CELSR1: variants seen among roughly 807,000 people sequenced by gnomAD.
CELSR1 encodes the protein cadherin EGF LAG seven-pass G-type receptor 1.
A neutral mutation model predicts 249.1 loss-of-function variants in CELSR1; 110 were observed. That is an observed-to-expected ratio of 0.44 (90% CI 0.38 to 0.52). The LOEUF (loss-of-function observed/expected upper bound fraction) is 0.52, where lower values mean the gene tolerates loss of function less well. CELSR1 is among the 20% of genes least tolerant of loss of function. The probability of loss-of-function intolerance (pLI) is 0.00; values close to 1 mark genes in which losing one functional copy is unlikely to be tolerated. For synonymous variants in CELSR1, 2,113 were observed against 1,900.0 expected (o/e 1.11, Z -2.92); for missense variants, 4,109 against 4,296.4 (o/e 0.96, Z 1.22).
intron 1 of CELSR1, among the ~76,000 whole-genome samples, chr22:46,482,732 T>C (rs2080278509): frequency 6.6e-6 from 1 of 151,992 alleles, no homozygotes; most frequent in African/African-American, 2.4e-5. Flanking sequence ...AAGAAAATTA[T>C]CTACAGGGTC....
In CELSR1 at chr22:46,518,364, G is replaced by C. The variant is rs896177941; in HGVS notation, c.3544+15263C>G. ...TGCCACACTCAGTCTCGTTAGAGGAGAACGAAGGGAGTGGGCTCCCACAGA... is the reference window on the plus strand; with the variant it reads ...TGCCACACTCAGTCTCGTTAGAGGACAACGAAGGGAGTGGGCTCCCACAGA... On this transcript the variant is annotated intron_variant, in intron 1 of 34. Coordinates refer to ENST00000674500, the MANE Select transcript of CELSR1 (RefSeq NM_001378328.1). This position sits in a 1 kb window ranked among gnomAD's most constrained non-coding sequence, Gnocchi z 5.2. 2.6e-5 allele frequency among the ~76,000 whole-genome samples: 4 copies of C among 152,236 alleles called. No homozygotes were observed. Among genetic ancestry groups the C allele is most frequent in the Non-Finnish European group, 5.9e-5 (4 of 68,040 alleles).
rs555510928 is a variant in CELSR1, at chr22:46,534,953, C to T, written c.2218G>A (p.Gly740Arg). 2 of 1,612,474 alleles carry T rather than the reference C, an allele frequency of 1.2e-6. No individual in the cohort carries two copies. Among genetic ancestry groups the T allele is most frequent in the African/African-American group, 2.7e-5 (2 of 75,034 alleles). The change falls in exon 1 of 35, where the codon GGG (glycine) becomes AGG (arginine). Residue 740 changes from glycine (G) to arginine (R), a missense_variant. Transcript: ENST00000674500. This position sits in a 1 kb window ranked among gnomAD's most constrained non-coding sequence, Gnocchi z 9.7. ...RNRFALSSQR[G>R]GGLITLALPL... ...AGCGCCAGGGTGATGAGGCCGCCCCCTCTCTGGCTGCTGAGTGCAAAGCGG... is the reference window on the plus strand; with the variant it reads ...AGCGCCAGGGTGATGAGGCCGCCCCTTCTCTGGCTGCTGAGTGCAAAGCGG...
Position 46,518,773 on chromosome 22 carries a change from C to A in CELSR1, c.3544+14854G>T, listed in dbSNP as rs924963605. Among the ~76,000 whole-genome samples the A allele has an allele frequency of 2.0e-5, 3 of 152,164 alleles. No homozygotes were observed. The highest frequency in any genetic ancestry group is 7.2e-5 in the African/African-American group (3 of 41,440). On this transcript the variant is annotated intron_variant, in intron 1 of 34. Transcript: ENST00000674500. This position sits in a 1 kb window ranked among gnomAD's most constrained non-coding sequence, Gnocchi z 5.2. Reference sequence around the variant, plus strand: ...AGTTGTGGCTGGGCGCGGTGGCTCGCCTGTAATCCAGCACTTTGGGAGGCC... The same window carrying A: ...AGTTGTGGCTGGGCGCGGTGGCTCGACTGTAATCCAGCACTTTGGGAGGCC...
intron 3 of CELSR1, among the ~76,000 whole-genome samples, chr22:46,438,054 G>A (rs1422681012): frequency 2.0e-5 from 3 of 152,104 alleles, no homozygotes; most frequent in East Asian, 1.9e-4. Context: ...AGTCCTGCAC[G>A]GCCCCCCTGG....
chr22:46,513,200 G>C (rs921561904), intron 1 of CELSR1, among the ~76,000 whole-genome samples: 1 of 152,168 alleles, frequency 6.6e-6, no homozygotes, highest in Non-Finnish European at 1.5e-5. Context: ...CAGTGAGCCA[G>C]AACACATGAA....
chr22:46,431,176 A>G (rs1003965087), intron 5 of CELSR1, among the ~76,000 whole-genome samples: 5 of 152,198 alleles, frequency 3.3e-5, no homozygotes, highest in African/African-American at 1.2e-4. Flanking sequence ...CCTCCGGGAC[A>G]GTGCAGGTGG....
rs765666605 is a variant in CELSR1 at position 46,518,892 on chromosome 22, A to G, written c.3544+14735T>C. 2.6e-5 allele frequency among the ~76,000 whole-genome samples: 4 copies of G among 152,136 alleles called. No homozygotes were observed. Among genetic ancestry groups the G allele is most frequent in the Middle Eastern group, 3.4e-3 (1 of 294 alleles). ...TACTAAAAATACAAAAATTAGCTGGACGTGGTGGCGCATGCCTGTAATCCC... is the reference window on the plus strand; with the variant it reads ...TACTAAAAATACAAAAATTAGCTGGGCGTGGTGGCGCATGCCTGTAATCCC... On this transcript the variant is annotated intron_variant, in intron 1 of 34. Transcript: ENST00000674500. This position sits in a 1 kb window ranked among gnomAD's most constrained non-coding sequence, Gnocchi z 5.2.
In CELSR1 at chr22:46,471,885, CTGCGGTCTGTGGCCTT is replaced by C. The variant is rs2080159046; in HGVS notation, c.3545-7556_3545-7541del. Among the ~76,000 whole-genome samples, 1 of 152,180 alleles carries C rather than the reference CTGCGGTCTGTGGCCTT, an allele frequency of 6.6e-6. No homozygotes were observed. The highest frequency in any genetic ancestry group is 1.5e-5 in the Non-Finnish European group (1 of 68,036). Reference sequence around the variant, plus strand: ...CTGGGACCTGTACAGTTTTCAGGGGCTGCGGTCTGTGGCCTTCAGGTGATGACGACTTTCTGCCTCA... The same window carrying C: ...CTGGGACCTGTACAGTTTTCAGGGGCCAGGTGATGACGACTTTCTGCCTCA... On this transcript the variant is annotated intron_variant, in intron 1 of 34. Transcript: ENST00000674500. This position sits in a 1 kb window ranked among gnomAD's most constrained non-coding sequence, Gnocchi z 4.9.
intron 5 of CELSR1, among the ~76,000 whole-genome samples, chr22:46,416,387 A>C (rs1029996816): frequency 6.6e-6 from 1 of 152,020 alleles, no homozygotes; most frequent in Non-Finnish European, 1.5e-5. Flanking sequence ...ACCCCCCCCA[A>C]CCCCTGCACC....
At chr22:46,519,589 T>TGAATGCCCAGCTGAATGCCCA (rs1366524764) in intron 1 of CELSR1, among the ~76,000 whole-genome samples, 7 of 152,226 alleles carry the variant, frequency 4.6e-5, no homozygotes, top group African/African-American at 1.7e-4. Flanking sequence ...AATGCCCAGC[T>TGAATGCCCAGCTGAATGCCCA]GGTCTCCCTT....
In CELSR1 at chr22:46,380,650, C is replaced by A. The variant is rs562880318; in HGVS notation, c.7256+138G>T. On this transcript the variant is annotated intron_variant, in intron 22 of 34. Transcript: ENST00000674500. The surrounding 1 kb of genome is among the most constrained non-coding windows in gnomAD (Gnocchi z 5.1). ...AGAAGCAGAGCAGGAGGCTCACTGC[C>A]CCCACGGGGGACTTAAAGGGGAAAC... 3.4e-4 allele frequency: 323 copies of A among 955,770 alleles called. 2 individuals are homozygous for A. The South Asian group carries it at 5.0e-3, about 15-fold the overall frequency. 59.2% of individuals were successfully genotyped at this position (955,770 alleles called of 1,614,324 possible).
chr22:46,397,277 C>CTTTTTTTTTT (rs528088887), intron 12 of CELSR1, among the ~76,000 whole-genome samples: 7 of 78,744 alleles, frequency 8.9e-5, no homozygotes, highest in Non-Finnish European at 1.7e-4. Context: ...CTAATTTTTG[C>CTTTTTTTTTT]TTTTTTTTTT....
In CELSR1 at chr22:46,410,837, A is replaced by T. The variant is rs952527262; in HGVS notation, c.4770-276T>A. ...CCCACCCAGGCTGGTCCACACCGAG[A>T]CAGGATGTGAGCGCAGGGAGCACAG... On this transcript the variant is annotated intron_variant, in intron 6 of 34. Transcript: ENST00000674500. This position sits in a 1 kb window ranked among gnomAD's most constrained non-coding sequence, Gnocchi z 6.8. Among the ~76,000 whole-genome samples, 7 of 152,152 alleles carry T rather than the reference A, an allele frequency of 4.6e-5. No individual in the cohort carries two copies. Among genetic ancestry groups the T allele is most frequent in the African/African-American group, 1.7e-4 (7 of 41,500 alleles).
At chr22:46,496,475 G>C (rs2080414845) in intron 1 of CELSR1, among the ~76,000 whole-genome samples, 1 of 152,024 alleles carries the variant, frequency 6.6e-6, no homozygotes, top group African/African-American at 2.4e-5. Flanking sequence ...GGGTGAGGCA[G>C]GAAAATCACT....
intron 2 of CELSR1, among the ~76,000 whole-genome samples, chr22:46,459,682 AC>A (rs753513659): frequency 1.3e-5 from 2 of 151,866 alleles, no homozygotes; most frequent in Non-Finnish European, 2.9e-5. Flanking sequence ...ACCCACCAGC[AC>A]CCCCACCCCC....
In CELSR1 at chr22:46,536,949, T is replaced by C; in HGVS notation, c.222A>G (p.Ala74=). The C allele has an allele frequency of 8.7e-7, 1 of 1,155,342 alleles. No individual in the cohort carries two copies. Among genetic ancestry groups the C allele is most frequent in the Admixed American group, 4.8e-5 (1 of 21,044 alleles). The allele number at this position is 1,155,342 out of a possible 1,614,324, so 71.6% of individuals were successfully genotyped here. ...LLDVGRDGRL[A]GRRRVSGAGR... ...CCGCGCCCGAGACGCGCCGACGTCC[T>C]GCCAGCCGCCCATCGCGGCCCACGT... The change falls in exon 1 of 35, where the codon GCA becomes GCG. Residue 74 remains alanine, a synonymous_variant. Transcript: ENST00000674500.
At chr22:46,439,661 C>T (rs8137581) in intron 2 of CELSR1, among the ~76,000 whole-genome samples, 32,214 of 151,908 alleles carry the variant, frequency 0.21, 3,510 homozygotes, top group Middle Eastern at 0.25. Context: ...CCAGGGGGTT[C>T]CCAAAAAGCA....
intron 1 of CELSR1, among the ~76,000 whole-genome samples, chr22:46,469,521 G>A (rs1338406360): frequency 6.6e-6 from 1 of 151,996 alleles, no homozygotes; most frequent in Non-Finnish European, 1.5e-5. Context: ...TTGTTTGTTT[G>A]TTTGTTTGTT....
rs1178446237 is a variant in CELSR1, at chr22:46,407,530, G to A, written c.5226+1466C>T. On this transcript the variant is annotated intron_variant, in intron 9 of 34. Transcript: ENST00000674500. The surrounding 1 kb of genome is among the most constrained non-coding windows in gnomAD (Gnocchi z 4.8). ...TCCTGTAATCCCAACTACAATGGAG[G>A]CTGAGGCAGGAGAATCGCTTGAACC... Among the ~76,000 whole-genome samples the A allele has an allele frequency of 6.6e-6, 1 of 152,142 alleles. No individual in the cohort carries two copies. Among genetic ancestry groups the A allele is most frequent in the African/African-American group, 2.4e-5 (1 of 41,434 alleles).
Sources: allele counts gnomAD v4.1 joint callset (sites outside exome capture counted in the v4.1 genomes callset), GRCh38; gene constraint gnomAD v4.1.1; non-coding constraint Gnocchi (gnomAD v3.1); transcripts MANE v1.5; gene names NCBI Gene and HGNC (gene_info 2026-07-23, HGNC 2026-07-21).